MAST4: variants seen among roughly 807,000 people sequenced by gnomAD.
MAST4 encodes microtubule-associated serine/threonine-protein kinase 4.
A neutral mutation model predicts 162.7 loss-of-function variants in MAST4; 89 were observed. The observed-to-expected ratio is 0.55, with a 90% CI of 0.46 to 0.65. The LOEUF (loss-of-function observed/expected upper bound fraction) is 0.65. Ranked by LOEUF, MAST4 falls within the 30% of genes least tolerant of loss-of-function variation. MAST4 has a pLI of 0.00. For missense variants in MAST4, 3,153 were observed against 3,374.0 expected (o/e 0.93, Z 1.62); for synonymous variants, 1,479 against 1,361.1 (o/e 1.09, Z -1.91).
At chr5:67,130,454 G>A in intron 15 of MAST4, 36 bp downstream of exon 15, 3 of 1,600,010 alleles carry the variant, frequency 1.9e-6, no homozygotes, top group Non-Finnish European at 1.7e-6. Flanking sequence ...CTGTACCCAG[G>A]AATCCCTTGC....
intron 5 of MAST4, among the ~76,000 whole-genome samples, chr5:67,074,241 T>A (rs1172968753): frequency 6.6e-6 from 1 of 152,108 alleles, no homozygotes; most frequent in African/African-American, 2.4e-5. Flanking sequence ...TACATCAAAA[T>A]GATGAGACAT....
chr5:67,031,484 A>G (rs995622596), intron 4 of MAST4, among the ~76,000 whole-genome samples: 3 of 152,142 alleles, frequency 2.0e-5, no homozygotes, highest in African/African-American at 7.2e-5. Context: ...TTACAGTGGT[A>G]TGCTCCATTT....
intron 14 of MAST4, among the ~76,000 whole-genome samples, chr5:67,127,130 T>G (rs909640229): frequency 1.3e-5 from 2 of 152,248 alleles, no homozygotes. Flanking sequence ...AAGGAGATTT[T>G]GGGCTGAGAC....
chr5:66,839,589 T>C (rs982111647), intron 3 of MAST4, among the ~76,000 whole-genome samples: 1 of 148,716 alleles, frequency 6.7e-6, no homozygotes, highest in East Asian at 2.0e-4. Context: ...GATGTGTAGG[T>C]TTTTTTTTTC....
intron 21 of MAST4, among the ~76,000 whole-genome samples, chr5:67,143,606 C>T (rs146387821): frequency 6.6e-6 from 1 of 152,254 alleles, no homozygotes; most frequent in Non-Finnish European, 1.5e-5. Flanking sequence ...TTTTAAAGTG[C>T]TCCGTAGCTT....
intron 4 of MAST4, among the ~76,000 whole-genome samples, chr5:67,007,014 C>G (rs1220619852): frequency 6.6e-6 from 1 of 152,108 alleles, no homozygotes; most frequent in Admixed American, 6.5e-5. Context: ...ATAAACATCC[C>G]AAAGATCATC....
intron 1 of MAST4, among the ~76,000 whole-genome samples, chr5:66,609,446 G>A (rs1321550610): frequency 1.4e-5 from 2 of 145,164 alleles, no homozygotes; most frequent in East Asian, 4.0e-4. Flanking sequence ...CTGAAGTGCA[G>A]TGGGACCATC....
intron 3 of MAST4, among the ~76,000 whole-genome samples, chr5:66,861,947 G>C (rs970802255): frequency 6.6e-6 from 1 of 152,134 alleles, no homozygotes; most frequent in Non-Finnish European, 1.5e-5. Flanking sequence ...TTTCACATAG[G>C]AACCTGTGTG....
intron 17 of MAST4, 65 bp from the exon 18 acceptor site, chr5:67,134,457 GC>G: frequency 6.9e-7 from 1 of 1,449,500 alleles, no homozygotes. Flanking sequence ...TTGGTGACTA[GC>G]CATCTTGCTC....
At chr5:67,000,778 A>G (rs1200236864) in intron 4 of MAST4, among the ~76,000 whole-genome samples, 2 of 151,462 alleles carry the variant, frequency 1.3e-5, no homozygotes, top group East Asian at 2.0e-4. Flanking sequence ...GCTTGTGTCA[A>G]CAGGTGGGCA....
intron 4 of MAST4, among the ~76,000 whole-genome samples, chr5:67,007,289 G>A (rs904194945): frequency 3.9e-5 from 6 of 152,058 alleles, no homozygotes; most frequent in African/African-American, 1.4e-4. Flanking sequence ...TACCTTACCG[G>A]GCTGAGTAGT....
At chr5:66,690,133 A>G (rs981343499) in intron 1 of MAST4, among the ~76,000 whole-genome samples, 1 of 152,160 alleles carries the variant, frequency 6.6e-6, no homozygotes, top group African/African-American at 2.4e-5. Context: ...TGGGCATGTG[A>G]CCTTGGACAA....
chr5:66,714,127 TC>T (rs758941502), intron 1 of MAST4, among the ~76,000 whole-genome samples: 9 of 152,236 alleles, frequency 5.9e-5, no homozygotes, highest in Non-Finnish European at 1.0e-4. Context: ...ACTTAGTCTT[TC>T]TGCTAAACTG....
chr5:67,123,631 G>A (rs1444098662), intron 14 of MAST4, among the ~76,000 whole-genome samples: 5 of 152,192 alleles, frequency 3.3e-5, no homozygotes, highest in Non-Finnish European at 7.3e-5. Context: ...AAAATGTTTA[G>A]CCATCCTAAT....
intron 18 of MAST4, among the ~76,000 whole-genome samples, chr5:67,136,108 A>C (rs1211790915): frequency 6.6e-6 from 1 of 152,160 alleles, no homozygotes; most frequent in African/African-American, 2.4e-5. Flanking sequence ...GAAGAACTCT[A>C]TGGCTGTGGC....
At chr5:67,100,767 C>T (rs1214313056) in intron 8 of MAST4, among the ~76,000 whole-genome samples, 175 bp downstream of exon 8, 1 of 152,134 alleles carries the variant, frequency 6.6e-6, no homozygotes, top group Non-Finnish European at 1.5e-5. Flanking sequence ...TGAAAGGCAT[C>T]TTATAAGTTT....
At chr5:67,016,778 T>C (rs985801643) in intron 4 of MAST4, among the ~76,000 whole-genome samples, 10 of 152,210 alleles carry the variant, frequency 6.6e-5, no homozygotes, top group African/African-American at 2.2e-4. Flanking sequence ...TTTCCTGAGC[T>C]TTCCCTGTAT....
At chr5:66,821,290 G>A (rs1360490104) in intron 3 of MAST4, among the ~76,000 whole-genome samples, 2 of 152,162 alleles carry the variant, frequency 1.3e-5, no homozygotes, top group Non-Finnish European at 2.9e-5. Context: ...GTGAGAAAAA[G>A]ACATATACAG....
At chr5:66,639,278 T>TTGTGTGTGTGTGAGTGTG (rs1554037881) in intron 1 of MAST4, among the ~76,000 whole-genome samples, 12 of 138,720 alleles carry the variant, frequency 8.7e-5, no homozygotes, top group Admixed American at 1.4e-4. Flanking sequence ...GAGAGGCAGC[T>TTGTGTGTGTGTGAGTGTG]TGTGTGTGTG....
Sources: gnomAD v4.1 joint callset for allele counts (sites outside exome capture counted in the v4.1 genomes callset) on GRCh38, gnomAD v4.1.1 for gene constraint, MANE v1.5 for transcripts, NCBI Gene and HGNC (gene_info 2026-07-23, HGNC 2026-07-21) for gene names.